Variants in KAZN observed in about 807,000 individuals in gnomAD.
The protein encoded by KAZN is kazrin, periplakin interacting protein, also known as kazrin.
Under a neutral mutation model 87.4 loss-of-function variants are expected in KAZN, and 40 were observed. The observed-to-expected ratio is 0.46, with a 90% CI of 0.36 to 0.60. The LOEUF (loss-of-function observed/expected upper bound fraction) is 0.60, where lower values mean the gene tolerates loss of function less well. Among genes scored for constraint, KAZN ranks in the 20% least tolerant of loss-of-function variants. The pLI is 0.00. For missense variants in KAZN, 898 were observed against 1,073.9 expected (o/e 0.84, Z 2.29); for synonymous variants, 466 against 458.3 (o/e 1.02, Z -0.22).
chr1:14,662,601 C>A (rs912068681), intron 1 of KAZN, among the ~76,000 whole-genome samples: 6 of 151,940 alleles, frequency 3.9e-5, no homozygotes, highest in Non-Finnish European at 8.8e-5. Flanking sequence ...ATGTGATTAT[C>A]TTTACCTCTG....
At chr1:14,553,048 G>C (rs1673638761) in intron 2 of KAZN, among the ~76,000 whole-genome samples, 1 of 152,132 alleles carries the variant, frequency 6.6e-6, no homozygotes, top group African/African-American at 2.4e-5. Context: ...GGAAACTGAG[G>C]CTCAGAGGCA....
At chr1:14,453,833 C>T (rs1667416018) in intron 2 of KAZN, among the ~76,000 whole-genome samples, 1 of 151,772 alleles carries the variant, frequency 6.6e-6, no homozygotes, top group South Asian at 2.1e-4. Context: ...AAGACTCTGT[C>T]TCAAAAGAAA....
chr1:13,991,239 T>C (rs143966876), intron 1 of KAZN, among the ~76,000 whole-genome samples: 3 of 152,136 alleles, frequency 2.0e-5, no homozygotes, highest in African/African-American at 7.2e-5. Flanking sequence ...CAACATGCCC[T>C]TACTGAACAG....
chr1:14,746,395 T>C (rs1202744880), intron 1 of KAZN, among the ~76,000 whole-genome samples: 2 of 151,986 alleles, frequency 1.3e-5, no homozygotes, highest in Non-Finnish European at 2.9e-5. Flanking sequence ...GGATTAAAAG[T>C]GCGGAGGACT....
At chr1:14,042,989 A>G (rs1641906253) in intron 1 of KAZN, among the ~76,000 whole-genome samples, 1 of 152,218 alleles carries the variant, frequency 6.6e-6, no homozygotes. Context: ...GAATGGAATT[A>G]AGCACATTTA....
rs143973968 is a variant in KAZN, at chr1:14,511,689, G to A, written c.250-87294G>A. 5.8e-3 allele frequency among the ~76,000 whole-genome samples: 877 copies of A among 152,302 alleles called. 4 individuals carry two copies. Among genetic ancestry groups the A allele is most frequent in the South Asian group, 0.011 (55 of 4,828 alleles). Reference sequence around the variant, plus strand: ...ACCTGGTAGGTGCTTATGCAACCATGTCAGGCTAAGGGACTGAGTGATTAT... The same window carrying A: ...ACCTGGTAGGTGCTTATGCAACCATATCAGGCTAAGGGACTGAGTGATTAT... On this transcript the variant is annotated intron_variant, in intron 2 of 16. Transcript: ENST00000636203.
intron 1 of KAZN, among the ~76,000 whole-genome samples, chr1:14,082,106 G>A (rs559337429): frequency 2.3e-3 from 351 of 152,120 alleles, no homozygotes; most frequent in African/African-American, 7.9e-3. Context: ...TCTCTGATGG[G>A]GCTGCCTGGC....
At chr1:15,069,591 C>T (rs145521785) in intron 8 of KAZN, among the ~76,000 whole-genome samples, 21 of 152,312 alleles carry the variant, frequency 1.4e-4, no homozygotes, top group Middle Eastern at 6.8e-3. Context: ...CGCGCCACTG[C>T]GCTCCAACCT....
intron 2 of KAZN, among the ~76,000 whole-genome samples, chr1:14,548,064 C>T (rs1571908108): frequency 6.7e-6 from 1 of 150,040 alleles, no homozygotes; most frequent in South Asian, 2.1e-4. Context: ...TTGCAAATTG[C>T]AAAAAAAGAT....
intron 1 of KAZN, among the ~76,000 whole-genome samples, chr1:14,144,831 G>A (rs916052405): frequency 3.3e-5 from 5 of 152,062 alleles, no homozygotes; most frequent in African/African-American, 7.2e-5. Flanking sequence ...TTAACAACCA[G>A]CACTCTTGCA....
intron 1 of KAZN, among the ~76,000 whole-genome samples, chr1:14,916,241 T>C (rs1657806191): frequency 6.7e-6 from 1 of 149,474 alleles, no homozygotes; most frequent in Non-Finnish European, 1.5e-5. Context: ...ATGATCTTGG[T>C]GCACTGCAGC....
chr1:14,436,832 G>T (rs1457222512), intron 2 of KAZN, among the ~76,000 whole-genome samples: 3 of 152,192 alleles, frequency 2.0e-5, no homozygotes. Flanking sequence ...CTTGGCCAAG[G>T]TCCGACAGCT....
At chr1:15,111,986 C>T (rs1040139601) in intron 13 of KAZN, 3 of 155,228 alleles carry the variant, frequency 1.9e-5, no homozygotes, top group Non-Finnish European at 4.3e-5. Flanking sequence ...ATTGCAAATT[C>T]AGAGCAGGGG....
chr1:14,715,263 A>C (rs1351822916), intron 1 of KAZN, among the ~76,000 whole-genome samples: 1 of 152,172 alleles, frequency 6.6e-6, no homozygotes, highest in East Asian at 1.9e-4. Flanking sequence ...TGGCTGGAAA[A>C]GGCCAAAGGC....
chr1:14,908,722 A>ATGTG (rs1199814206), intron 1 of KAZN, among the ~76,000 whole-genome samples: 1 of 151,084 alleles, frequency 6.6e-6, no homozygotes, highest in African/African-American at 2.4e-5. Flanking sequence ...TGGCTCAAAA[A>ATGTG]GAACATGTGG....
At chr1:14,625,169 A>G (rs1378185103) in intron 1 of KAZN, among the ~76,000 whole-genome samples, 1 of 152,078 alleles carries the variant, frequency 6.6e-6, no homozygotes, top group Non-Finnish European at 1.5e-5. Flanking sequence ...GCGATATTCT[A>G]TTAGGCATTC....
chr1:14,117,759 C>T (rs761015338), intron 1 of KAZN, among the ~76,000 whole-genome samples: 6 of 152,108 alleles, frequency 3.9e-5, no homozygotes, highest in Non-Finnish European at 7.3e-5. Context: ...GTAAGTAAGA[C>T]TGGTGATGAT....
intron 2 of KAZN, among the ~76,000 whole-genome samples, chr1:14,995,989 T>C (rs954829804): frequency 1.3e-5 from 2 of 152,098 alleles, no homozygotes; most frequent in African/African-American, 4.8e-5. Flanking sequence ...GGGTCAACAG[T>C]CAGCTGGACC....
chr1:14,970,472 A>C (rs1664910641), intron 2 of KAZN, among the ~76,000 whole-genome samples: 1 of 152,150 alleles, frequency 6.6e-6, no homozygotes, highest in Non-Finnish European at 1.5e-5. Flanking sequence ...CAGTCTACAC[A>C]TTTGCAACAA....
Sources: allele counts gnomAD v4.1 joint callset (sites outside exome capture counted in the v4.1 genomes callset), GRCh38; gene constraint gnomAD v4.1.1; transcripts MANE v1.5; gene names NCBI Gene and HGNC (gene_info 2026-07-23, HGNC 2026-07-21).